KIF26B: variants seen among roughly 807,000 people sequenced by gnomAD.
The protein encoded by KIF26B is kinesin-like protein KIF26B.
KIF26B carries 63 observed loss-of-function variants against 151.2 expected under a neutral mutation model. The observed-to-expected ratio is 0.42, with a 90% CI of 0.34 to 0.51. The LOEUF is 0.51. Ranked by LOEUF, KIF26B falls within the 20% of genes least tolerant of loss-of-function variation. The pLI, the probability that KIF26B is intolerant of heterozygous loss-of-function variation, is 0.07. For synonymous variants in KIF26B, 1,357 were observed against 1,262.1 expected (o/e 1.08, Z -1.59); for missense variants, 2,813 against 2,913.6 (o/e 0.97, Z 0.79).
intron 2 of KIF26B, among the ~76,000 whole-genome samples, chr1:245,356,163 C>A (rs1384934294): frequency 6.6e-6 from 1 of 152,098 alleles, no homozygotes; most frequent in Non-Finnish European, 1.5e-5. Context: ...TCTGAACACA[C>A]GAGCCCTCCC....
At chr1:245,428,607 G>C (rs1658701797) in intron 4 of KIF26B, among the ~76,000 whole-genome samples, 1 of 152,146 alleles carries the variant, frequency 6.6e-6, no homozygotes, top group Non-Finnish European at 1.5e-5. Flanking sequence ...TAACAGAAGT[G>C]GCATTCATAG....
intron 2 of KIF26B, among the ~76,000 whole-genome samples, chr1:245,185,649 C>T (rs147017249): frequency 1.1e-4 from 17 of 152,280 alleles, no homozygotes; most frequent in Non-Finnish European, 1.6e-4. Flanking sequence ...AATTTACAGA[C>T]CAGCTTCAAG....
rs116200994 is a variant in KIF26B at position 245,621,592 on chromosome 1, C to T, written c.2098+9616C>T. ...ACTCAAGGCAGACTGAGTTGTGTTC[C>T]TTTAACCCTGCAGTCTTGACCTCAA... On this transcript the variant is annotated intron_variant, in intron 9 of 14. Coordinates refer to ENST00000407071, the MANE Select transcript of KIF26B (RefSeq NM_018012.4). Among the ~76,000 whole-genome samples, 536 of 152,302 alleles carry T rather than the reference C, an allele frequency of 3.5e-3. 4 individuals are homozygous for T. The highest frequency in any genetic ancestry group is 0.012 in the African/African-American group (494 of 41,566).
In KIF26B at chr1:245,231,514, T is replaced by TA. The variant is rs945926770; in HGVS notation, c.465+74835dup. Reference sequence around the variant, plus strand: ...CTGGGTGACAGAGCAAGACTTCGTCTAAAAGAAAAATAAATAAAACTAGAA... The same window carrying TA: ...CTGGGTGACAGAGCAAGACTTCGTCTAAAAAGAAAAATAAATAAAACTAGAA... On this transcript the variant is annotated intron_variant, in intron 2 of 14. Coordinates refer to ENST00000407071, the MANE Select transcript of KIF26B (RefSeq NM_018012.4). 2.0e-4 allele frequency among the ~76,000 whole-genome samples: 31 copies of TA among 151,616 alleles called. No homozygotes were observed. The South Asian group carries it at 2.1e-3, about 10-fold the overall frequency.
intron 2 of KIF26B, among the ~76,000 whole-genome samples, chr1:245,296,210 A>G (rs958082025): frequency 6.6e-6 from 1 of 150,960 alleles, no homozygotes; most frequent in Non-Finnish European, 1.5e-5. Flanking sequence ...ATATTTACCC[A>G]AGGTAAATTC....
At chr1:245,445,444 C>T (rs1659226770) in intron 4 of KIF26B, among the ~76,000 whole-genome samples, 1 of 152,140 alleles carries the variant, frequency 6.6e-6, no homozygotes, top group African/African-American at 2.4e-5. Context: ...GGACTTTTGT[C>T]ACAGTAATAC....
chr1:245,225,754 G>C (rs1669861529), intron 2 of KIF26B, among the ~76,000 whole-genome samples: 7 of 152,100 alleles, frequency 4.6e-5, no homozygotes, highest in Admixed American at 4.6e-4. Flanking sequence ...TTTACCCTTA[G>C]CAAAACACAA....
At position 245,502,353 on chromosome 1, in the gene KIF26B, C is replaced by T. The variant is rs1041174395; in HGVS notation, c.1167-38414C>T. Among the ~76,000 whole-genome samples the T allele has an allele frequency of 5.3e-5, 8 of 151,942 alleles. No homozygotes were observed. In the East Asian group the frequency reaches 1.5e-3, roughly 29 times the overall value. The stretch of plus-strand genomic sequence containing the variant: ...ACCAGCCTAACCAACATGGTGAAAC[C>T]CTGTCTCTACTAAAAATACAAAAAT... On this transcript the variant is annotated intron_variant, in intron 4 of 14. Coordinates refer to ENST00000407071, the MANE Select transcript of KIF26B (RefSeq NM_018012.4).
chr1:245,393,469 G>GT (rs149240437), intron 3 of KIF26B, among the ~76,000 whole-genome samples: 2,920 of 151,914 alleles, frequency 0.019, 87 homozygotes, highest in African/African-American at 0.066. Flanking sequence ...GGCTTCTGTT[G>GT]TTTTGTTTTC....
intron 2 of KIF26B, among the ~76,000 whole-genome samples, chr1:245,208,238 C>T (rs1307037758): frequency 6.6e-6 from 1 of 152,128 alleles, no homozygotes; most frequent in East Asian, 1.9e-4. Flanking sequence ...TTGCAGAAAA[C>T]AATTTTGAAT....
chr1:245,486,572 G>A (rs1339493445), intron 4 of KIF26B, among the ~76,000 whole-genome samples: 2 of 152,166 alleles, frequency 1.3e-5, no homozygotes, highest in African/African-American at 4.8e-5. Flanking sequence ...ATCTCATTTA[G>A]TGCTCACAGC....
At chr1:245,520,839 G>A (rs1333005790) in intron 4 of KIF26B, among the ~76,000 whole-genome samples, 6 of 152,078 alleles carry the variant, frequency 3.9e-5, no homozygotes, top group Admixed American at 3.9e-4. Flanking sequence ...TTTCCCTTAG[G>A]GAACATTGTA....
At chr1:245,299,400 C>T (rs1052002685) in intron 2 of KIF26B, among the ~76,000 whole-genome samples, 1 of 137,870 alleles carries the variant, frequency 7.3e-6, no homozygotes, top group Non-Finnish European at 1.5e-5. Flanking sequence ...TTTCTGATGT[C>T]GTGCCAGCTT....
intron 9 of KIF26B, among the ~76,000 whole-genome samples, chr1:245,636,376 T>G (rs1252641650): frequency 2.0e-5 from 3 of 151,980 alleles, no homozygotes; most frequent in Non-Finnish European, 4.4e-5. Context: ...CTAACAACAT[T>G]TTTCATCTTC....
Position 245,443,918 on chromosome 1 carries a change from C to T in KIF26B, c.1166+24173C>T, listed in dbSNP as rs534745864. On this transcript the variant is annotated intron_variant, in intron 4 of 14. Transcript: ENST00000407071. ...GTCATCTCCCTCACTGTTCACCCTG[C>T]GGTCATCTCCCTCACTGTTCACCTA... Among the ~76,000 whole-genome samples, 1,049 of 127,360 alleles carry T rather than the reference C, an allele frequency of 8.2e-3. 31 individuals carry two copies. The highest frequency in any genetic ancestry group is 0.031 in the African/African-American group (976 of 31,242). 83.6% of individuals were successfully genotyped at this position (127,360 alleles called of 152,430 possible). A position where few individuals can be genotyped will look rare whatever the true frequency, so the allele number is the denominator to read the frequency against.
intron 2 of KIF26B, among the ~76,000 whole-genome samples, chr1:245,313,518 T>G (rs1671703520): frequency 6.6e-6 from 1 of 151,936 alleles, no homozygotes; most frequent in Non-Finnish European, 1.5e-5. Flanking sequence ...GTCTTCCGAG[T>G]GTGTAAGAAG....
Position 245,686,255 on chromosome 1 carries a change from T to C in KIF26B, c.3272T>C (p.Val1091Ala), listed in dbSNP as rs1476347429. 3 of 1,612,562 alleles carry C rather than the reference T, an allele frequency of 1.9e-6. No homozygotes were observed. The highest frequency in any genetic ancestry group is 1.1e-5 in the South Asian group (1 of 91,086). The change falls in exon 12 of 15, where the codon GTC (valine) becomes GCC (alanine). Residue 1091 changes from valine to alanine, a missense_variant. This residue lies in a region of KIF26B where 2,060 missense variants were observed against 2,088.6 expected (regional missense o/e 0.99). Coordinates refer to ENST00000407071, the MANE Select transcript of KIF26B (RefSeq NM_018012.4). The surrounding 1 kb of genome is among the most constrained non-coding windows in gnomAD (Gnocchi z 5.6). The part of the protein sequence containing the change: ...PPSSPSQRCK[V>A]YTQKGVLPSP... ...AGCTCTCCTTCCCAGAGATGCAAAG[T>C]CTACACCCAGAAGGGGGTCCTGCCG...
At chr1:245,357,984 A>G (rs976348251) in intron 2 of KIF26B, among the ~76,000 whole-genome samples, 51 of 152,294 alleles carry the variant, frequency 3.3e-4, no homozygotes, top group African/African-American at 1.1e-3. Context: ...TGGCGTCATC[A>G]TAGCTCACTG....
chr1:245,632,221 A>G (rs2043788528), intron 9 of KIF26B, among the ~76,000 whole-genome samples: 1 of 152,132 alleles, frequency 6.6e-6, no homozygotes, highest in Admixed American at 6.5e-5. Flanking sequence ...TAGGTTTAGG[A>G]ATGGTGTTTT....
Sources: gnomAD v4.1 joint callset for allele counts (sites outside exome capture counted in the v4.1 genomes callset) on GRCh38, gnomAD v4.1.1 for gene constraint, gnomAD v4.1.1 regional missense constraint, Gnocchi (gnomAD v3.1) non-coding constraint, MANE v1.5 for transcripts, NCBI Gene and HGNC (gene_info 2026-07-23, HGNC 2026-07-21) for gene names.